Variants in CCDC178 observed in about 807,000 individuals in gnomAD.
CCDC178 encodes coiled-coil domain-containing protein 178.
In CCDC178, 126 loss-of-function variants were observed where a neutral mutation model predicts 117.4. That is an observed-to-expected ratio of 1.07 (90% confidence interval 0.93 to 1.24). The LOEUF is 1.24. CCDC178 is among the 50% of genes most tolerant of loss of function. The probability of loss-of-function intolerance (pLI) is 0.00; values close to 1 mark genes in which losing one functional copy is unlikely to be tolerated. For synonymous variants in CCDC178, 283 were observed against 313.4 expected, an observed-to-expected ratio of 0.90 and a Z score of 1.02; for missense variants, 1,030 against 986.9, an observed-to-expected ratio of 1.04 and a Z score of -0.59.
intron 20 of CCDC178, among the ~76,000 whole-genome samples, chr18:33,183,654 G>C (rs1259892914): frequency 1.3e-5 from 2 of 151,988 alleles, no homozygotes; most frequent in Non-Finnish European, 2.9e-5. Context: ...ACAACCCATA[G>C]AGACAACTCA....
At chr18:33,315,884 C>G (rs2062407962) in intron 11 of CCDC178, among the ~76,000 whole-genome samples, 1 of 152,214 alleles carries the variant, frequency 6.6e-6, no homozygotes, top group Admixed American at 6.5e-5. Context: ...GATAATAATA[C>G]CGATTCTTGC....
At chr18:33,300,281 A>G (rs1034172359) in intron 11 of CCDC178, among the ~76,000 whole-genome samples, 2 of 152,204 alleles carry the variant, frequency 1.3e-5, no homozygotes, top group African/African-American at 4.8e-5. Flanking sequence ...CAGAACTGTG[A>G]GCCAATTAAG....
chr18:33,410,651 TAAGTTGATTGCAATA>T (rs950049437), intron 3 of CCDC178, among the ~76,000 whole-genome samples: 15 of 152,172 alleles, frequency 9.9e-5, no homozygotes, highest in Non-Finnish European at 1.5e-5. Context: ...AAAATTGTAG[TAAGTTGATTGCAATA>T]ATAACCCCAA....
Position 33,226,810 on chromosome 18 carries a change from C to A in CCDC178, c.1639G>T (p.Ala547Ser). 6.3e-7 allele frequency: 1 copy of A among 1,592,540 alleles called. No individual in the cohort carries two copies. Among genetic ancestry groups the A allele is most frequent in the Non-Finnish European group, 8.6e-7 (1 of 1,167,232 alleles). The change falls in exon 16 of 23, where the codon GCT (alanine) becomes TCT (serine). Residue 547 changes from alanine (A) to serine (S), a missense_variant. Ala to Ser is a moderately conservative substitution (Grantham distance 99). Coordinates refer to ENST00000383096, the MANE Select transcript of CCDC178 (RefSeq NM_001105528.4). ...LKKLTQGEVA[A>S]GMVLQKKLYS... Reference sequence around the variant, plus strand: ...AGTATTACCTGAAGCACCATTCCAGCAGCCACTTCACCTTGAGTGAGTTTT... The same window carrying A: ...AGTATTACCTGAAGCACCATTCCAGAAGCCACTTCACCTTGAGTGAGTTTT...
At chr18:33,073,541 A>G (rs2057149636) in intron 21 of CCDC178, among the ~76,000 whole-genome samples, 1 of 149,980 alleles carries the variant, frequency 6.7e-6, no homozygotes, top group Non-Finnish European at 1.5e-5. Context: ...CTATCTATCT[A>G]TCTATCTATC....
intron 7 of CCDC178, among the ~76,000 whole-genome samples, chr18:33,354,156 T>C (rs1377322783): frequency 6.6e-6 from 1 of 152,206 alleles, no homozygotes; most frequent in Admixed American, 6.5e-5. Flanking sequence ...TCACTGTTAA[T>C]CGTACTGAGG....
intron 12 of CCDC178, among the ~76,000 whole-genome samples, chr18:33,280,138 A>G (rs2144819584): frequency 6.6e-6 from 1 of 151,580 alleles, no homozygotes; most frequent in Admixed American, 6.6e-5. Flanking sequence ...TGCACAGCAA[A>G]AGAAACTACC....
At chr18:33,032,405 C>T (rs1371654045) in intron 21 of CCDC178, among the ~76,000 whole-genome samples, 1 of 152,112 alleles carries the variant, frequency 6.6e-6, no homozygotes, top group East Asian at 1.9e-4. Context: ...ACCAAAATCA[C>T]ATATTCTGTT....
intron 1 of CCDC178, chr18:33,440,356 A>T (rs2064365762): frequency 1.7e-5 from 2 of 117,270 alleles, no homozygotes; most frequent in Non-Finnish European, 3.5e-5. Flanking sequence ...CAGGGGTTGG[A>T]GGACTGGGAA....
At chr18:33,074,405 GT>G (rs1228875689) in intron 21 of CCDC178, among the ~76,000 whole-genome samples, 1 of 152,034 alleles carries the variant, frequency 6.6e-6, no homozygotes, top group Non-Finnish European at 1.5e-5. Flanking sequence ...AATTGCACCT[GT>G]TTATATAGAC....
chr18:33,396,570 T>C (rs113571150), intron 4 of CCDC178, among the ~76,000 whole-genome samples: 54 of 152,140 alleles, frequency 3.5e-4, no homozygotes, highest in African/African-American at 1.2e-3. Context: ...ACAAATTACA[T>C]TGAGCAAAAA....
chr18:33,198,164 T>A (rs1394591954), intron 20 of CCDC178, among the ~76,000 whole-genome samples: 3 of 152,158 alleles, frequency 2.0e-5, no homozygotes, highest in Non-Finnish European at 4.4e-5. Flanking sequence ...CAGGGCCACA[T>A]TCAAAAATCC....
intron 6 of CCDC178, among the ~76,000 whole-genome samples, chr18:33,357,772 A>G (rs1196614630): frequency 1.3e-5 from 2 of 151,956 alleles, no homozygotes; most frequent in Non-Finnish European, 2.9e-5. Flanking sequence ...ACTTCTCTCT[A>G]GTTCCCATAT....
chr18:33,131,274 C>A (rs995497833), intron 20 of CCDC178, among the ~76,000 whole-genome samples: 3 of 151,750 alleles, frequency 2.0e-5, no homozygotes, highest in Non-Finnish European at 2.9e-5. Flanking sequence ...TTTCTACATG[C>A]AGCACAGCTA....
intron 20 of CCDC178, among the ~76,000 whole-genome samples, chr18:33,136,392 T>C (rs2058126588): frequency 6.6e-6 from 1 of 152,114 alleles, no homozygotes; most frequent in Admixed American, 6.5e-5. Context: ...ATAATGACAC[T>C]ATGAGGTAGC....
chr18:32,946,627 T>G (rs2054355488), intron 22 of CCDC178, among the ~76,000 whole-genome samples: 2 of 152,130 alleles, frequency 1.3e-5, no homozygotes, highest in East Asian at 3.9e-4. Context: ...GCATGGTCTC[T>G]TGTGGGTATT....
At chr18:33,000,166 A>C (rs986411893) in intron 21 of CCDC178, among the ~76,000 whole-genome samples, 1 of 152,052 alleles carries the variant, frequency 6.6e-6, no homozygotes, top group Non-Finnish European at 1.5e-5. Flanking sequence ...AAAAGAACCA[A>C]GAGAAATTCT....
intron 20 of CCDC178, among the ~76,000 whole-genome samples, chr18:33,128,682 T>G (rs1375085938): frequency 1.3e-5 from 2 of 152,192 alleles, no homozygotes; most frequent in African/African-American, 2.4e-5. Context: ...GTGATTGAAT[T>G]GAAGGTAATA....
chr18:33,062,561 G>T (rs2056941731), intron 21 of CCDC178, among the ~76,000 whole-genome samples: 1 of 152,174 alleles, frequency 6.6e-6, no homozygotes, highest in African/African-American at 2.4e-5. Flanking sequence ...TATTGTGACG[G>T]ACAGAAAGGT....
Sources: gnomAD v4.1 joint callset for allele counts (sites outside exome capture counted in the v4.1 genomes callset) on GRCh38, gnomAD v4.1.1 for gene constraint, MANE v1.5 for transcripts, NCBI Gene and HGNC (gene_info 2026-07-23, HGNC 2026-07-21) for gene names.